The following LOXL2 variants were observed in gnomAD, a reference collection of about 807,000 sequenced individuals.
The protein encoded by LOXL2 is lysyl oxidase like 2.
Under a neutral mutation model 93.0 loss-of-function variants are expected in LOXL2, and 70 were observed. The ratio of observed to expected loss-of-function variants is 0.75; its 90% CI spans 0.62 to 0.92. The LOEUF (loss-of-function observed/expected upper bound fraction) is 0.92. LOXL2 is among the 40% of genes least tolerant of loss of function. LOXL2 has a pLI of 0.00. For synonymous variants in LOXL2, 438 were observed against 413.2 expected (o/e 1.06, Z -0.73); for missense variants, 973 against 1,054.9 (o/e 0.92, Z 1.08).
At chr8:23,318,180 A>AT (rs1803433109) in intron 8 of LOXL2, among the ~76,000 whole-genome samples, 2 of 75,602 alleles carry the variant, frequency 2.6e-5, no homozygotes, top group Non-Finnish European at 6.8e-5. Flanking sequence ...GGGGTAAAAA[A>AT]AAAAAAAACC....
intron 10 of LOXL2, among the ~76,000 whole-genome samples, chr8:23,305,875 G>T (rs1803222554): frequency 6.6e-6 from 1 of 151,500 alleles, no homozygotes; most frequent in South Asian, 2.1e-4. Flanking sequence ...GCAGTGGTAT[G>T]ATCTCGGCTC....
At chr8:23,398,721 C>G (rs1353279621) in intron 1 of LOXL2, among the ~76,000 whole-genome samples, 1 of 152,202 alleles carries the variant, frequency 6.6e-6, no homozygotes, top group Admixed American at 6.5e-5. Flanking sequence ...CTCTGTCACC[C>G]AGGCTGGAAT....
At chr8:23,302,759 C>G (rs913747171) in intron 11 of LOXL2, among the ~76,000 whole-genome samples, 2 of 152,194 alleles carry the variant, frequency 1.3e-5, no homozygotes, top group Non-Finnish European at 2.9e-5. Context: ...CCATGAAGAG[C>G]CCCCAGGGCT....
In LOXL2 at chr8:23,317,015, C is replaced by T. The variant is rs1302799291; in HGVS notation, c.1570G>A (p.Asp524Asn). The T allele has an allele frequency of 5.0e-6, 8 of 1,614,130 alleles. No homozygotes were observed. The highest frequency in any genetic ancestry group is 2.2e-5 in the East Asian group (1 of 44,880). ...TGGGGGCAGGCCACGTCCTCCCCGT[C>T]GTGGCGGCAGTGCGCCAGGGACAGC... ...TELSLAHCRH[D>N]GEDVACPQGG... is the part of the protein sequence containing the mutation. Residue 524 changes from aspartate (D) to asparagine (N), a missense_variant, in exon 9 of 14, where the codon GAC becomes AAC. Transcript: ENST00000389131.
chr8:23,312,242 C>A (rs1456117026), intron 9 of LOXL2, among the ~76,000 whole-genome samples: 2 of 150,776 alleles, frequency 1.3e-5, no homozygotes. Flanking sequence ...TGGTACCATT[C>A]CTTCTGAAAC....
chr8:23,349,224 C>T (rs1804049670), intron 3 of LOXL2, among the ~76,000 whole-genome samples: 1 of 152,164 alleles, frequency 6.6e-6, no homozygotes, highest in Admixed American at 6.5e-5. Context: ...CTCACCTAGG[C>T]CTGTGCTGTC....
intron 1 of LOXL2, among the ~76,000 whole-genome samples, chr8:23,396,319 AAAACAAAC>A (rs71548892): frequency 2.5e-3 from 381 of 150,530 alleles, no homozygotes; most frequent in Middle Eastern, 6.9e-3. Flanking sequence ...CTCAGTCTCA[AAAACAAAC>A]AAACAAACAA....
At chr8:23,387,945 G>A (rs868393166) in intron 1 of LOXL2, among the ~76,000 whole-genome samples, 9 of 152,164 alleles carry the variant, frequency 5.9e-5, no homozygotes, top group African/African-American at 1.9e-4. Context: ...GCGAGACTCT[G>A]TCTCAAACAA....
At chr8:23,307,284 A>ACT (rs1403118276) in intron 10 of LOXL2, among the ~76,000 whole-genome samples, 1 of 152,062 alleles carries the variant, frequency 6.6e-6, no homozygotes, top group African/African-American at 2.4e-5. Flanking sequence ...AGCTCGAGGT[A>ACT]CTCCTCTTAA....
intron 2 of LOXL2, among the ~76,000 whole-genome samples, chr8:23,360,943 C>T (rs1310826327): frequency 1.3e-5 from 2 of 151,904 alleles, no homozygotes; most frequent in Non-Finnish European, 2.9e-5. Flanking sequence ...GCTCTGTCGC[C>T]AGGCTGGAGT....
At chr8:23,299,861 GT>G (rs1803100087) in intron 12 of LOXL2, among the ~76,000 whole-genome samples, 1 of 152,242 alleles carries the variant, frequency 6.6e-6, no homozygotes, top group Admixed American at 6.5e-5. Flanking sequence ...GCCCAAAGAG[GT>G]GCTGTGGGAA....
intron 3 of LOXL2, among the ~76,000 whole-genome samples, chr8:23,344,131 G>A (rs769790855): frequency 9.9e-5 from 15 of 152,220 alleles, no homozygotes; most frequent in African/African-American, 2.2e-4. Context: ...AGAGCTACGC[G>A]GGCCTGAGGC....
At chr8:23,300,945 C>T (rs184912132) in intron 12 of LOXL2, among the ~76,000 whole-genome samples, 106 of 152,368 alleles carry the variant, frequency 7.0e-4, no homozygotes, top group African/African-American at 2.4e-3. Flanking sequence ...TTAGGCCTCT[C>T]CAAGTCTGTG....
intron 9 of LOXL2, among the ~76,000 whole-genome samples, chr8:23,310,329 G>A (rs1803304309): frequency 1.3e-5 from 2 of 152,184 alleles, no homozygotes; most frequent in Admixed American, 6.5e-5. Context: ...ATGTGATTGT[G>A]CTACCCAGAG....
At chr8:23,356,784 C>G (rs1387530582) in intron 3 of LOXL2, among the ~76,000 whole-genome samples, 2 of 152,194 alleles carry the variant, frequency 1.3e-5, no homozygotes, top group Non-Finnish European at 2.9e-5. Context: ...TCACCTGGCC[C>G]TTTAAGCCAG....
intron 7 of LOXL2, among the ~76,000 whole-genome samples, chr8:23,320,308 C>G (rs770346525): frequency 6.6e-6 from 1 of 152,224 alleles, no homozygotes; most frequent in Non-Finnish European, 1.5e-5. Context: ...CAGAAGCTGA[C>G]CCTGCTCCCC....
Position 23,309,770 on chromosome 8 carries a change from T to C in LOXL2, c.1778A>G (p.Tyr593Cys). 1 of 1,603,820 alleles carries C rather than the reference T, an allele frequency of 6.2e-7. No homozygotes were observed. The highest frequency in any genetic ancestry group is 8.5e-7 in the Non-Finnish European group (1 of 1,175,482). ...GGAGGAGAAGCGCAGGAGCCGGCGG[T>C]AGCCCGTGGTGGGGTCGGTCTGCGC... ...SAAQTDPTTGYRRLLRFSSQI... is the reference protein window; with the variant it reads ...SAAQTDPTTGCRRLLRFSSQI... The change falls in exon 10 of 14, where the codon TAC becomes TGC. Residue 593 changes from tyrosine (Y) to cysteine (C), a missense_variant. Physicochemically the swap from Tyr to Cys is radical, Grantham distance 194 (BLOSUM62 -2). Transcript: ENST00000389131.
intron 2 of LOXL2, chr8:23,364,990 CT>C (rs1804374996): frequency 6.6e-6 from 1 of 152,276 alleles, no homozygotes; most frequent in African/African-American, 2.4e-5. Context: ...ACCACCTTAG[CT>C]TCAGCTGCTA....
chr8:23,380,259 G>A (rs1335466830), intron 1 of LOXL2, among the ~76,000 whole-genome samples: 2 of 152,118 alleles, frequency 1.3e-5, no homozygotes, highest in African/African-American at 4.8e-5. Context: ...TGGGCATGGT[G>A]GCGTGTGCCT....
Sources: allele counts gnomAD v4.1 joint callset (sites outside exome capture counted in the v4.1 genomes callset), GRCh38; gene constraint gnomAD v4.1.1; transcripts MANE v1.5; gene names NCBI Gene and HGNC (gene_info 2026-07-23, HGNC 2026-07-21).